The following KIF26B variants were observed in gnomAD, a reference collection of about 807,000 sequenced individuals.
KIF26B encodes the protein kinesin family member 26B.
Under a neutral mutation model 151.2 loss-of-function variants are expected in KIF26B, and 63 were observed. That is an observed-to-expected ratio of 0.42 (90% CI 0.34 to 0.51). The LOEUF (loss-of-function observed/expected upper bound fraction) is 0.51, where lower values mean the gene tolerates loss of function less well. Among genes scored for constraint, KIF26B ranks in the 20% least tolerant of loss-of-function variants. KIF26B has a pLI of 0.07. For synonymous variants in KIF26B, 1,357 were observed against 1,262.1 expected, an observed-to-expected ratio of 1.08 and a Z score of -1.59; for missense variants, 2,813 against 2,913.6, an observed-to-expected ratio of 0.97 and a Z score of 0.79.
At chr1:245,250,012 AC>A (rs1670412746) in intron 2 of KIF26B, among the ~76,000 whole-genome samples, 1 of 152,238 alleles carries the variant, frequency 6.6e-6, no homozygotes, top group Admixed American at 6.5e-5. Flanking sequence ...AAATTATGAA[AC>A]ATATTAAAAA....
Position 245,183,480 on chromosome 1 carries a change from A to G in KIF26B, c.465+26797A>G, listed in dbSNP as rs139314187. On this transcript the variant is annotated intron_variant, in intron 2 of 14. Transcript: ENST00000407071. ...AGTTAAGATCACTCATTTTTCTTGC[A>G]TAAAGAAATTTTCCAGACTCATTCA... is the stretch of plus-strand genomic sequence containing the variant. Among the ~76,000 whole-genome samples the G allele has an allele frequency of 2.5e-3, 382 of 152,326 alleles. 3 individuals carry two copies. Among genetic ancestry groups the G allele is most frequent in the Middle Eastern group, 0.01 (3 of 294 alleles).
At chr1:245,470,591 C>T (rs536411560) in intron 4 of KIF26B, among the ~76,000 whole-genome samples, 53 of 152,108 alleles carry the variant, frequency 3.5e-4, no homozygotes, top group Non-Finnish European at 4.4e-4. Context: ...CCACCACGCC[C>T]GGCTAATTTT....
intron 2 of KIF26B, among the ~76,000 whole-genome samples, chr1:245,356,295 C>T (rs756197077): frequency 2.0e-5 from 3 of 152,130 alleles, no homozygotes; most frequent in African/African-American, 4.8e-5. Flanking sequence ...GTGGCTCATG[C>T]CTGTATTCCC....
chr1:245,539,060 C>T (rs979946879), intron 4 of KIF26B, among the ~76,000 whole-genome samples: 8 of 152,090 alleles, frequency 5.3e-5, no homozygotes, highest in African/African-American at 9.7e-5. Flanking sequence ...GAAAGTGTCC[C>T]GTGCCTTCCC....
At chr1:245,190,586 G>C (rs1364387362) in intron 2 of KIF26B, among the ~76,000 whole-genome samples, 3 of 142,314 alleles carry the variant, frequency 2.1e-5, no homozygotes, top group Non-Finnish European at 3.0e-5. Flanking sequence ...ATCCACTTTG[G>C]TTTTATACAT....
chr1:245,474,788 C>T (rs984210806), intron 4 of KIF26B, among the ~76,000 whole-genome samples: 2 of 151,724 alleles, frequency 1.3e-5, no homozygotes, highest in Non-Finnish European at 3.0e-5. Context: ...GTCTCCCATC[C>T]CCGCTGCCCA....
At chr1:245,665,706 C>G (rs1469179540) in intron 10 of KIF26B, among the ~76,000 whole-genome samples, 1 of 89,186 alleles carries the variant, frequency 1.1e-5, no homozygotes, top group African/African-American at 4.6e-5. Flanking sequence ...AACATTATAT[C>G]TTTTTTTTAT....
intron 9 of KIF26B, among the ~76,000 whole-genome samples, chr1:245,640,800 C>T (rs1404976767): frequency 6.6e-6 from 1 of 151,986 alleles, no homozygotes; most frequent in Non-Finnish European, 1.5e-5. Flanking sequence ...AAGAAAAAAA[C>T]ACATGCATTT....
chr1:245,179,404 ACC>A (rs1668865581), intron 2 of KIF26B, among the ~76,000 whole-genome samples: 1 of 152,174 alleles, frequency 6.6e-6, no homozygotes, highest in South Asian at 2.1e-4. Context: ...CGCGTGGATC[ACC>A]TGAGGTCAGG....
intron 2 of KIF26B, 87 bp downstream of exon 2, chr1:245,156,770 C>T (rs1443232841): frequency 7.1e-6 from 6 of 840,114 alleles, no homozygotes; most frequent in Non-Finnish European, 9.7e-6. Flanking sequence ...CCGCCGCGAC[C>T]TTGCGCGCCG....
At position 245,540,107 on chromosome 1, in the gene KIF26B, G is replaced by T. The variant is rs957049541; in HGVS notation, c.1167-660G>T. ...TCAGTGCTTTGACCCCTTACTCCTC[G>T]CACTTGACCATGAATTGCATTTTGT... On this transcript the variant is annotated intron_variant, in intron 4 of 14. Transcript: ENST00000407071. This position sits in a 1 kb window ranked among gnomAD's most constrained non-coding sequence, Gnocchi z 4.6. 1.3e-5 allele frequency among the ~76,000 whole-genome samples: 2 copies of T among 151,944 alleles called. No individual in the cohort carries two copies. The highest frequency in any genetic ancestry group is 2.4e-5 in the African/African-American group (1 of 41,342).
At chr1:245,474,942 A>G (rs1421401106) in intron 4 of KIF26B, among the ~76,000 whole-genome samples, 1 of 151,746 alleles carries the variant, frequency 6.6e-6, no homozygotes, top group African/African-American at 2.4e-5. Context: ...AGTTCCATGC[A>G]TGTTGTACAG....
intron 4 of KIF26B, among the ~76,000 whole-genome samples, chr1:245,453,379 T>G (rs1423947530): frequency 6.6e-6 from 1 of 152,174 alleles, no homozygotes; most frequent in Non-Finnish European, 1.5e-5. Context: ...TCATCACAAT[T>G]TTTTGCATTT....
intron 10 of KIF26B, among the ~76,000 whole-genome samples, chr1:245,681,608 G>A (rs1347988470): frequency 2.0e-5 from 3 of 152,166 alleles, no homozygotes; most frequent in Admixed American, 6.5e-5. Context: ...TCTGGAAAGT[G>A]CTAAGGTAAC....
At chr1:245,290,531 T>G (rs1671238138) in intron 2 of KIF26B, among the ~76,000 whole-genome samples, 1 of 152,196 alleles carries the variant, frequency 6.6e-6, no homozygotes, top group Non-Finnish European at 1.5e-5. Context: ...TTCCTGATGT[T>G]GCCATGGCAT....
At position 245,686,379 on chromosome 1, in the gene KIF26B, C is replaced by G; in HGVS notation, c.3396C>G (p.Ser1132Arg). 1 of 1,613,426 alleles carries G rather than the reference C, an allele frequency of 6.2e-7. No homozygotes were observed. Among genetic ancestry groups the G allele is most frequent in the Non-Finnish European group, 8.5e-7 (1 of 1,179,880 alleles). ...TGCGTACGCCCCCGGTTGGAATGAG[C>G]CCCCAGGTTTTGAAAAAATCCATGT... Reference protein sequence around the residue: ...PEVRTPPVGMSPQVLKKSMSA... With the variant: ...PEVRTPPVGMRPQVLKKSMSA... Residue 1132 changes from serine (S) to arginine (R), a missense_variant, in exon 12 of 15, where the codon AGC becomes AGG. Around this residue, in one of 3 missense-constraint regions of KIF26B, gnomAD observed 2,060 missense variants for 2,088.6 expected, o/e 0.99. Coordinates refer to ENST00000407071, the MANE Select transcript of KIF26B (RefSeq NM_018012.4). This position sits in a 1 kb window ranked among gnomAD's most constrained non-coding sequence, Gnocchi z 5.6.
At chr1:245,229,930 C>T (rs373341557) in intron 2 of KIF26B, among the ~76,000 whole-genome samples, 2 of 151,796 alleles carry the variant, frequency 1.3e-5, no homozygotes, top group African/African-American at 2.4e-5. Context: ...GTCAGGAGTT[C>T]GAGACCAGCC....
intron 2 of KIF26B, among the ~76,000 whole-genome samples, chr1:245,219,171 C>G (rs1289516305): frequency 9.3e-6 from 1 of 107,698 alleles, no homozygotes; most frequent in East Asian, 3.2e-4. Context: ...CGGAGTCTTG[C>G]TCTGTTGCCC....
chr1:245,410,594 C>T (rs1768069), intron 3 of KIF26B, among the ~76,000 whole-genome samples: 70,403 of 151,688 alleles, frequency 0.46, 16,752 homozygotes, highest in South Asian at 0.65. Context: ...GAATTACAGG[C>T]GCGTGCCACC....
Sources: allele counts gnomAD v4.1 joint callset (sites outside exome capture counted in the v4.1 genomes callset), GRCh38; gene constraint gnomAD v4.1.1; regional missense constraint gnomAD v4.1.1; non-coding constraint Gnocchi (gnomAD v3.1); transcripts MANE v1.5; gene names NCBI Gene and HGNC (gene_info 2026-07-23, HGNC 2026-07-21).